Variants in MARCHF7 observed in about 807,000 individuals in gnomAD.
The protein encoded by MARCHF7 is E3 ubiquitin-protein ligase MARCHF7.
In MARCHF7, 20 loss-of-function variants were observed where a neutral mutation model predicts 76.5. The observed-to-expected ratio is 0.26, with a 90% CI of 0.18 to 0.38. MARCHF7 has a LOEUF of 0.38. Among genes scored for constraint, MARCHF7 ranks in the 10% least tolerant of loss-of-function variants. The probability of loss-of-function intolerance (pLI) is 1.00; values close to 1 mark genes in which losing one functional copy is unlikely to be tolerated. For missense variants in MARCHF7, 797 were observed against 812.9 expected (o/e 0.98, Z 0.24); for synonymous variants, 295 against 293.0 (o/e 1.01, Z -0.07).
intron 8 of MARCHF7, among the ~76,000 whole-genome samples, chr2:159,757,014 T>C (rs924357262): frequency 5.3e-5 from 8 of 152,124 alleles, no homozygotes; most frequent in Non-Finnish European, 1.2e-4. Context: ...TGCCTCAGCC[T>C]CCTAAGTTAG....
In MARCHF7 at chr2:159,768,333, A is replaced by G. The variant is rs530679480; in HGVS notation, c.*991A>G. 2 of 152,716 alleles carry G rather than the reference A, an allele frequency of 1.3e-5. No individual in the cohort carries two copies. Among genetic ancestry groups the G allele is most frequent in the East Asian group, 3.9e-4 (2 of 5,190 alleles). The allele number at this position is 152,716 out of a possible 1,614,324, so 9.5% of individuals were successfully genotyped here. ...AACAGATGAACATTATTCACCATGA[A>G]TGGATCTATACTGTGTGGTCATGAG... On this transcript the variant is annotated 3_prime_UTR_variant, in exon 12 of 12. Transcript: ENST00000409175.
chr2:159,726,255 TTTTG>T, intron 3 of MARCHF7, among the ~76,000 whole-genome samples: 1 of 151,318 alleles, frequency 6.6e-6, no homozygotes, highest in African/African-American at 2.4e-5. Context: ...TTTTGTTTTG[TTTTG>T]TTTTGTTTTG....
chr2:159,753,124 G>A (rs1015030728), intron 8 of MARCHF7, among the ~76,000 whole-genome samples: 1 of 152,178 alleles, frequency 6.6e-6, no homozygotes, highest in African/African-American at 2.4e-5. Context: ...ATTGAGAGCT[G>A]AGCTATTCCA....
chr2:159,725,588 C>T (rs1702074001), intron 3 of MARCHF7, among the ~76,000 whole-genome samples: 1 of 152,096 alleles, frequency 6.6e-6, no homozygotes, highest in South Asian at 2.1e-4. Flanking sequence ...AGCTCTTTGT[C>T]AGATGGGTAG....
intron 4 of MARCHF7, among the ~76,000 whole-genome samples, chr2:159,730,128 C>G (rs1702610224): frequency 6.6e-6 from 1 of 152,128 alleles, no homozygotes; most frequent in African/African-American, 2.4e-5. Flanking sequence ...GTCTCAAACT[C>G]TGGCTCAAAT....
At chr2:159,714,795 A>G (rs903623530) in intron 2 of MARCHF7, among the ~76,000 whole-genome samples, 197 bp downstream of exon 2, 1 of 152,104 alleles carries the variant, frequency 6.6e-6, no homozygotes, top group East Asian at 1.9e-4. Flanking sequence ...GCGCACTGCT[A>G]CTACTAGCTA....
intron 4 of MARCHF7, chr2:159,733,846 A>G (rs1574281869): frequency 2.5e-6 from 3 of 1,183,202 alleles, no homozygotes; most frequent in South Asian, 4.2e-5. Context: ...TTACACGATT[A>G]TTATGTAATA....
At chr2:159,726,411 C>G (rs572676193) in intron 3 of MARCHF7, among the ~76,000 whole-genome samples, 6 of 152,188 alleles carry the variant, frequency 3.9e-5, no homozygotes, top group Admixed American at 1.3e-4. Flanking sequence ...TACAGGCGCC[C>G]GCTACCACGG....
intron 9 of MARCHF7, among the ~76,000 whole-genome samples, chr2:159,759,838 C>T (rs2125700632): frequency 6.6e-6 from 1 of 152,262 alleles, no homozygotes; most frequent in South Asian, 2.1e-4. Flanking sequence ...ATGGCTCACA[C>T]TTATACCTAG....
intron 4 of MARCHF7, among the ~76,000 whole-genome samples, chr2:159,730,445 A>G (rs1215306828): frequency 6.6e-6 from 1 of 152,236 alleles, no homozygotes; most frequent in Non-Finnish European, 1.5e-5. Flanking sequence ...TATTCAGAGC[A>G]AGACTGAAGT....
chr2:159,722,909 A>G (rs1178398106), intron 3 of MARCHF7, among the ~76,000 whole-genome samples: 2 of 152,184 alleles, frequency 1.3e-5, no homozygotes, highest in Non-Finnish European at 2.9e-5. Flanking sequence ...CAGATTTCCT[A>G]CTAGGTTAGT....
At chr2:159,726,998 C>T (rs2125377893) in intron 3 of MARCHF7, among the ~76,000 whole-genome samples, 1 of 152,254 alleles carries the variant, frequency 6.6e-6, no homozygotes, top group East Asian at 1.9e-4. Context: ...TTAGACTATA[C>T]CATCTAGGTT....
intron 7 of MARCHF7, among the ~76,000 whole-genome samples, chr2:159,750,913 G>A (rs1208196661): frequency 6.6e-6 from 1 of 152,092 alleles, no homozygotes; most frequent in Non-Finnish European, 1.5e-5. Flanking sequence ...CAACTCTGGT[G>A]ATAAAGGAAA....
chr2:159,733,065 ATAATTAT>A, intron 4 of MARCHF7: 1 of 516,078 alleles, frequency 1.9e-6, no homozygotes, highest in Non-Finnish European at 2.3e-6. Flanking sequence ...TTATTTAGTT[ATAATTAT>A]TTATAATTGT....
chr2:159,760,364 A>G (rs914482361), intron 9 of MARCHF7, among the ~76,000 whole-genome samples: 26 of 152,342 alleles, frequency 1.7e-4, no homozygotes, highest in Admixed American at 1.4e-3. Context: ...GCTTGGATCC[A>G]GATAAAGAAT....
At chr2:159,764,124 A>G (rs1707426611) in intron 10 of MARCHF7, among the ~76,000 whole-genome samples, 1 of 152,100 alleles carries the variant, frequency 6.6e-6, no homozygotes, top group Non-Finnish European at 1.5e-5. Context: ...ATGATACTCC[A>G]AAGTGGAAGT....
intron 8 of MARCHF7, among the ~76,000 whole-genome samples, chr2:159,756,731 A>C (rs1706375276): frequency 6.8e-6 from 1 of 147,162 alleles, no homozygotes; most frequent in Admixed American, 6.9e-5. Flanking sequence ...ATTCAGATTC[A>C]CTCTTAAAGA....
intron 4 of MARCHF7, among the ~76,000 whole-genome samples, chr2:159,732,466 C>G (rs1457707436): frequency 6.6e-6 from 1 of 151,972 alleles, no homozygotes; most frequent in African/African-American, 2.4e-5. Context: ...GGCTGCTTTG[C>G]TTATTTAGTT....
intron 4 of MARCHF7, among the ~76,000 whole-genome samples, chr2:159,729,429 G>A (rs1050779591): frequency 9.2e-5 from 14 of 152,140 alleles, no homozygotes; most frequent in African/African-American, 3.1e-4. Context: ...CCAGCACTTT[G>A]GCAGGCTGAG....
Sources: gnomAD v4.1 joint callset for allele counts (sites outside exome capture counted in the v4.1 genomes callset) on GRCh38, gnomAD v4.1.1 for gene constraint, MANE v1.5 for transcripts, NCBI Gene and HGNC (gene_info 2026-07-23, HGNC 2026-07-21) for gene names.